IGSF5: variants seen among roughly 807,000 people sequenced by gnomAD.
The protein encoded by IGSF5 is immunoglobulin superfamily member 5, also known as immunoglobulin superfamily 5 like.
In IGSF5, 41 loss-of-function variants were observed where a neutral mutation model predicts 39.4. That is an observed-to-expected ratio of 1.04 (90% confidence interval 0.81 to 1.35). IGSF5 has a LOEUF of 1.35. IGSF5 is among the 40% of genes most tolerant of loss of function. The pLI, the probability that IGSF5 is intolerant of heterozygous loss-of-function variation, is 0.00. For synonymous variants in IGSF5, 183 were observed against 175.3 expected (o/e 1.04, Z -0.34); for missense variants, 487 against 494.6 (o/e 0.98, Z 0.15).
At chr21:39,790,176 G>A (rs1014066365) in intron 6 of IGSF5, among the ~76,000 whole-genome samples, 4 of 152,080 alleles carry the variant, frequency 2.6e-5, no homozygotes, top group South Asian at 2.1e-4. Context: ...CATCAATGGC[G>A]TCATTTTGTG....
chr21:39,754,085 C>A (rs7280426), intron 2 of IGSF5, among the ~76,000 whole-genome samples: 1 of 151,876 alleles, frequency 6.6e-6, no homozygotes, highest in African/African-American at 2.4e-5. Flanking sequence ...TTTTATAGAC[C>A]CTGTGAGATT....
chr21:39,755,980 A>G (rs546833501), intron 2 of IGSF5, among the ~76,000 whole-genome samples: 24 of 152,034 alleles, frequency 1.6e-4, no homozygotes, highest in Non-Finnish European at 5.9e-5. Flanking sequence ...ACTTCCAGCT[A>G]CTTGGGAGGC....
chr21:39,752,603 T>A (rs1187838898), intron 2 of IGSF5, among the ~76,000 whole-genome samples: 1 of 152,228 alleles, frequency 6.6e-6, no homozygotes, highest in East Asian at 1.9e-4. Flanking sequence ...TTTTTCATAG[T>A]GGTTGTATAA....
chr21:39,777,208 G>A (rs997943552), intron 4 of IGSF5, among the ~76,000 whole-genome samples: 1 of 152,120 alleles, frequency 6.6e-6, no homozygotes, highest in Non-Finnish European at 1.5e-5. Context: ...TCCAACTCTG[G>A]ACTTCACCAT....
intron 2 of IGSF5, among the ~76,000 whole-genome samples, chr21:39,753,023 G>T (rs6517562): frequency 0.82 from 124,192 of 152,048 alleles, 50,887 homozygotes; most frequent in Admixed American, 0.86. Flanking sequence ...TATTTATTTA[G>T]TTTTTGCATT....
intron 2 of IGSF5, among the ~76,000 whole-genome samples, chr21:39,756,977 T>C (rs4818086): frequency 0.82 from 123,912 of 151,684 alleles, 50,789 homozygotes; most frequent in Admixed American, 0.86. Flanking sequence ...CTGACCTCAC[T>C]CCTTCCACCC....
At chr21:39,728,821 A>T in the IGSF5 span, among the ~76,000 whole-genome samples, 1 of 151,990 alleles carries the variant, frequency 6.6e-6, no homozygotes, top group Non-Finnish European at 1.5e-5. Context: ...ACCGCCTATT[A>T]TGTGCCTGGC....
chr21:39,743,760 C>T (rs1040061043), upstream of IGSF5, among the ~76,000 whole-genome samples: 22 of 152,272 alleles, frequency 1.4e-4, 1 homozygote, highest in African/African-American at 5.3e-4. Flanking sequence ...ACTCCATTTG[C>T]CTTCTTTTCT....
intron 2 of IGSF5, among the ~76,000 whole-genome samples, chr21:39,759,090 A>G (rs1345223917): frequency 2.0e-5 from 1 of 50,008 alleles, no homozygotes; most frequent in Non-Finnish European, 4.9e-5. Flanking sequence ...GTACTTTACA[A>G]ACATATCTAC....
chr21:39,742,500 G>A (rs958322836), upstream of IGSF5, among the ~76,000 whole-genome samples: 14 of 152,322 alleles, frequency 9.2e-5, no homozygotes, highest in Middle Eastern at 6.8e-3. Context: ...ATGGGCTGGC[G>A]CTTGCCCTGG....
the IGSF5 span, among the ~76,000 whole-genome samples, chr21:39,723,282 T>G: frequency 6.6e-6 from 1 of 152,216 alleles, no homozygotes; most frequent in African/African-American, 2.4e-5. Flanking sequence ...AGTTTCTAGC[T>G]GGCTGTTCAG....
intron 8 of IGSF5, among the ~76,000 whole-genome samples, chr21:39,798,088 A>G (rs968341607): frequency 1.3e-5 from 2 of 152,298 alleles, no homozygotes; most frequent in Admixed American, 1.3e-4. Context: ...TGGGAAGTTC[A>G]GATTTATGGT....
chr21:39,746,638 A>G (rs992776944), intron 2 of IGSF5, among the ~76,000 whole-genome samples: 1 of 150,212 alleles, frequency 6.7e-6, no homozygotes, highest in African/African-American at 2.5e-5. Context: ...GTCTCCCAGC[A>G]TGCTCTGGGT....
intron 2 of IGSF5, chr21:39,751,125 A>C (rs1051386048): frequency 6.6e-6 from 1 of 152,292 alleles, no homozygotes; most frequent in Non-Finnish European, 1.5e-5. Context: ...GTGAGGCCAC[A>C]TCTGCATTTA....
chr21:39,739,173 G>T, the IGSF5 span, among the ~76,000 whole-genome samples: 1 of 151,592 alleles, frequency 6.6e-6, no homozygotes, highest in African/African-American at 2.4e-5. Context: ...CAAGTGATCC[G>T]CCCACTTCGA....
At chr21:39,715,680 T>C in the IGSF5 span, among the ~76,000 whole-genome samples, 1 of 152,256 alleles carries the variant, frequency 6.6e-6, no homozygotes, top group Non-Finnish European at 1.5e-5. Flanking sequence ...TGCTCTTGTA[T>C]AGTACACAGA....
At chr21:39,755,189 T>C (rs568619973) in intron 2 of IGSF5, among the ~76,000 whole-genome samples, 23 of 152,324 alleles carry the variant, frequency 1.5e-4, no homozygotes, top group Admixed American at 7.2e-4. Flanking sequence ...TGGTAAAATA[T>C]GTAATTTTTT....
At position 39,772,460 on chromosome 21, in the gene IGSF5, C is replaced by T. The variant is rs552910701; in HGVS notation, c.718+1245C>T. ...TAAACAACAGAAATGGATTTTCTCA[C>T]AGTCCTGGAGGTTGGAAGTGTCATC... On this transcript the variant is annotated intron_variant, in intron 4 of 8. Transcript: ENST00000380588. Among the ~76,000 whole-genome samples the T allele has an allele frequency of 4.6e-5, 7 of 152,314 alleles. No homozygotes were observed. The South Asian group carries it at 8.3e-4, about 18-fold the overall frequency.
rs138479900 is a variant in IGSF5, at chr21:39,800,748, C to T, written c.1129-514C>T. On this transcript the variant is annotated intron_variant, in intron 8 of 8. Coordinates refer to ENST00000380588, the MANE Select transcript of IGSF5 (RefSeq NM_001080444.2). ...TAATAAGGCAATATTATGAGACAGG[C>T]ATTGGCCACTCTGGAGGATTAAATG... Among the ~76,000 whole-genome samples, 395 of 152,304 alleles carry T rather than the reference C, an allele frequency of 2.6e-3. 4 individuals carry two copies. The highest frequency in any genetic ancestry group is 8.3e-3 in the African/African-American group (345 of 41,552).
Sources: allele counts gnomAD v4.1 joint callset (sites outside exome capture counted in the v4.1 genomes callset), GRCh38; gene constraint gnomAD v4.1.1; transcripts MANE v1.5; gene names NCBI Gene and HGNC (gene_info 2026-07-23, HGNC 2026-07-21).